Variants in RPRD1B observed in about 807,000 individuals in gnomAD.
The protein encoded by RPRD1B is regulation of nuclear pre-mRNA domain containing 1B, also known as regulation of nuclear pre-mRNA domain-containing protein 1B.
Under a neutral mutation model 41.5 loss-of-function variants are expected in RPRD1B, and 11 were observed. The observed-to-expected ratio is 0.27, with a 90% confidence interval of 0.17 to 0.44. RPRD1B has a LOEUF of 0.44. Among genes scored for constraint, RPRD1B ranks in the 20% least tolerant of loss-of-function variants. The pLI, the probability that RPRD1B is intolerant of heterozygous loss-of-function variation, is 1.00. For synonymous variants in RPRD1B, 158 were observed against 155.6 expected, an observed-to-expected ratio of 1.02 and a Z score of -0.12; for missense variants, 248 against 389.9, an observed-to-expected ratio of 0.64 and a Z score of 3.06.
At chr20:38,048,540 T>C (rs900900155) in intron 3 of RPRD1B, 59 bp downstream of exon 3, 22 of 1,549,750 alleles carry the variant, frequency 1.4e-5, no homozygotes, top group Non-Finnish European at 1.9e-5. Flanking sequence ...GAATCAAATA[T>C]GAAAAGCTGC....
intron 5 of RPRD1B, among the ~76,000 whole-genome samples, chr20:38,060,233 T>G (rs1216149542): frequency 6.6e-6 from 1 of 152,206 alleles, no homozygotes; most frequent in Non-Finnish European, 1.5e-5. Context: ...TAGTGGATCT[T>G]GGGATTCTAA....
intron 3 of RPRD1B, among the ~76,000 whole-genome samples, chr20:38,050,753 T>A (rs1466169903): frequency 1.3e-5 from 2 of 152,126 alleles, no homozygotes; most frequent in Non-Finnish European, 2.9e-5. Context: ...TAGACAGACA[T>A]TAACAATAAT....
intron 6 of RPRD1B, among the ~76,000 whole-genome samples, chr20:38,077,992 A>T (rs1159014176): frequency 2.6e-5 from 4 of 152,022 alleles, no homozygotes; most frequent in Non-Finnish European, 5.9e-5. Context: ...CCTGAGCTAC[A>T]TGGCAAAACC....
chr20:38,091,834 A>C lies in RPRD1B; in HGVS notation c.*1959A>C. 3 of 985,874 alleles carry C rather than the reference A, an allele frequency of 3.0e-6. No individual in the cohort carries two copies. The highest frequency in any genetic ancestry group is 3.6e-6 in the Non-Finnish European group (3 of 829,928). The allele number at this position is 985,874 out of a possible 1,614,324, so 61.1% of individuals were successfully genotyped here. A position where few individuals can be genotyped will look rare whatever the true frequency, so the allele number is the denominator to read the frequency against. On this transcript the variant is annotated 3_prime_UTR_variant, in exon 7 of 7. Transcript: ENST00000373433. Reference sequence around the variant, plus strand: ...CCCACTGCTCTGTTTTATCCAACTGAGTCTCTGACCAGCAATTGGTGCATA... The same window carrying C: ...CCCACTGCTCTGTTTTATCCAACTGCGTCTCTGACCAGCAATTGGTGCATA...
Position 38,089,877 on chromosome 20 carries a change from A to T in RPRD1B, c.*2A>T, listed in dbSNP as rs1438143049. On this transcript the variant is annotated 3_prime_UTR_variant, in exon 7 of 7. Coordinates refer to ENST00000373433, the MANE Select transcript of RPRD1B (RefSeq NM_021215.4). The stretch of plus-strand genomic sequence containing the variant: ...GGGGACCTGTTTTCAACTGACTAGG[A>T]TGGGTGTCATGTCCCAGATTTCTGT... The T allele has an allele frequency of 1.9e-6, 3 of 1,608,944 alleles. No homozygotes were observed. Among genetic ancestry groups the T allele is most frequent in the Admixed American group, 1.7e-5 (1 of 58,266 alleles).
intron 6 of RPRD1B, among the ~76,000 whole-genome samples, chr20:38,069,084 G>C (rs1225054948): frequency 2.0e-5 from 3 of 152,122 alleles, no homozygotes; most frequent in Non-Finnish European, 4.4e-5. Context: ...TCATCCCAAA[G>C]CTCTAATATA....
intron 1 of RPRD1B, among the ~76,000 whole-genome samples, chr20:38,036,481 A>C (rs2074004690): frequency 6.6e-6 from 1 of 152,192 alleles, no homozygotes; most frequent in African/African-American, 2.4e-5. Flanking sequence ...CTAGCTGTTC[A>C]TTTGAACTGG....
chr20:38,077,222 C>T lies in RPRD1B; in HGVS notation c.831+10966C>T, dbSNP rs866659981. Among the ~76,000 whole-genome samples the T allele has an allele frequency of 1.5e-4, 23 of 152,054 alleles. No homozygotes were observed. The Middle Eastern group carries it at 0.027, about 180-fold the overall frequency. On this transcript the variant is annotated intron_variant, in intron 6 of 6. Coordinates refer to ENST00000373433, the MANE Select transcript of RPRD1B (RefSeq NM_021215.4). ...CATGAGCCACTGCACCAGGCCTGGA[C>T]CTTTTCCTTGAGTGCTTTATACTTA...
Position 38,090,937 on chromosome 20 carries a change from G to C in RPRD1B, c.*1062G>C, listed in dbSNP as rs1438003091. 1.7e-5 allele frequency: 17 copies of C among 985,312 alleles called. No individual in the cohort carries two copies. The allele number at this position is 985,312 out of a possible 1,614,324, so 61.0% of individuals were successfully genotyped here. A position where few individuals can be genotyped will look rare whatever the true frequency, so the allele number is the denominator to read the frequency against. On this transcript the variant is annotated 3_prime_UTR_variant, in exon 7 of 7. Transcript: ENST00000373433. ...CAGGTCCTTGTCCCCACACGACGGG[G>C]AGTACTTGCGTCAGATGTTATTGAA... is the stretch of plus-strand genomic sequence containing the variant.
chr20:38,069,531 A>C (rs1358879812), intron 6 of RPRD1B, among the ~76,000 whole-genome samples: 1 of 152,190 alleles, frequency 6.6e-6, no homozygotes, highest in Admixed American at 6.5e-5. Flanking sequence ...CAGATGTGGG[A>C]AGGAGGTGCT....
chr20:38,082,474 C>T (rs2074522424), intron 6 of RPRD1B, among the ~76,000 whole-genome samples: 1 of 152,188 alleles, frequency 6.6e-6, no homozygotes, highest in South Asian at 2.1e-4. Context: ...GCAAGCCCCG[C>T]CTCCCAGATT....
chr20:38,053,219 GTTTTTAAAATAATTTTAA>G (rs2074206541), intron 3 of RPRD1B, among the ~76,000 whole-genome samples: 1 of 152,140 alleles, frequency 6.6e-6, no homozygotes, highest in Non-Finnish European at 1.5e-5. Flanking sequence ...ACATATTCTA[GTTTTTAAAATAATTTTAA>G]TTTTTAAAAA....
In RPRD1B at chr20:38,057,546, A is replaced by G. The variant is rs757573392; in HGVS notation, c.430A>G (p.Lys144Glu). 2 of 1,613,462 alleles carry G rather than the reference A, an allele frequency of 1.2e-6. No homozygotes were observed. Among genetic ancestry groups the G allele is most frequent in the East Asian group, 4.5e-5 (2 of 44,884 alleles). ...SPPPKATEEK[K>E]SLKRTFQQIQ... ...CTTTTGTCTAGCAACAGAAGAGAAG[A>G]AATCTCTGAAACGAACTTTTCAGCA... The change falls in exon 4 of 7, where the codon AAA becomes GAA. Residue 144 changes from lysine to glutamate, a missense_variant. By Grantham distance (56) the Lys-to-Glu change is moderately conservative. Coordinates refer to ENST00000373433, the MANE Select transcript of RPRD1B (RefSeq NM_021215.4).
intron 6 of RPRD1B, among the ~76,000 whole-genome samples, chr20:38,086,550 G>T (rs1224990845): frequency 6.6e-6 from 1 of 152,128 alleles, no homozygotes; most frequent in Non-Finnish European, 1.5e-5. Flanking sequence ...TCCCAGGCTG[G>T]TCTCGAACTC....
In RPRD1B at chr20:38,059,486, A is replaced by C. The variant is rs764111448; in HGVS notation, c.621A>C (p.Glu207Asp). ...VRQKIASLPQ[E>D]VQDVSLLEKI... The stretch of plus-strand genomic sequence containing the variant: ...AGAAAATTGCTTCTCTGCCCCAGGA[A>C]GTGCAAGATGTTTCTCTATTGGAAA... The change falls in exon 5 of 7, where the codon GAA (glutamate) becomes GAC (aspartate). Residue 207 changes from glutamate (E) to aspartate (D), a missense_variant. Transcript: ENST00000373433. 6.2e-7 allele frequency: 1 copy of C among 1,614,090 alleles called. No homozygotes were observed. The highest frequency in any genetic ancestry group is 8.5e-7 in the Non-Finnish European group (1 of 1,179,972).
intron 6 of RPRD1B, among the ~76,000 whole-genome samples, chr20:38,087,646 C>A (rs147368564): frequency 1.6e-3 from 247 of 152,242 alleles, no homozygotes; most frequent in African/African-American, 5.5e-3. Context: ...GAATCCGTGT[C>A]CAGAAATAGA....
chr20:38,065,585 T>G (rs2074346566), intron 5 of RPRD1B, among the ~76,000 whole-genome samples: 2 of 152,252 alleles, frequency 1.3e-5, no homozygotes, highest in Admixed American at 1.3e-4. Flanking sequence ...GTTGTTATTC[T>G]GTATTTTTAA....
chr20:38,085,225 TGG>T (rs1289305852), intron 6 of RPRD1B, among the ~76,000 whole-genome samples: 3 of 152,036 alleles, frequency 2.0e-5, no homozygotes, highest in South Asian at 2.1e-4. Context: ...AGTGCGCTGG[TGG>T]GGAGAGGAGA....
intron 1 of RPRD1B, among the ~76,000 whole-genome samples, chr20:38,035,697 C>T (rs1018384433): frequency 1.3e-5 from 2 of 152,034 alleles, no homozygotes; most frequent in African/African-American, 4.8e-5. Context: ...ATGTGAATTG[C>T]CACTGTACAG....
Sources: allele counts gnomAD v4.1 joint callset (sites outside exome capture counted in the v4.1 genomes callset), GRCh38; gene constraint gnomAD v4.1.1; transcripts MANE v1.5; gene names NCBI Gene and HGNC (gene_info 2026-07-23, HGNC 2026-07-21).